ATAD2: variants seen among roughly 807,000 people sequenced by gnomAD.
The protein encoded by ATAD2 is ATPase family AAA domain-containing protein 2.
Under a neutral mutation model 168.9 loss-of-function variants are expected in ATAD2, and 62 were observed. The ratio of observed to expected loss-of-function variants is 0.37; its 90% confidence interval spans 0.30 to 0.45. The LOEUF is 0.45. Ranked by LOEUF, ATAD2 falls within the 20% of genes least tolerant of loss-of-function variation. The pLI is 1.00. For missense variants in ATAD2, 1,419 were observed against 1,667.8 expected, an observed-to-expected ratio of 0.85 and a Z score of 2.60; for synonymous variants, 613 against 571.6, an observed-to-expected ratio of 1.07 and a Z score of -1.03.
chr8:123,345,629 C>G (rs1244314842), intron 18 of ATAD2, among the ~76,000 whole-genome samples: 1 of 152,104 alleles, frequency 6.6e-6, no homozygotes, highest in Non-Finnish European at 1.5e-5. Flanking sequence ...TTGCAGGGAG[C>G]CAGGATCGTG....
chr8:123,410,760 G>A (rs1052816436), intron 1 of ATAD2, among the ~76,000 whole-genome samples: 2 of 151,950 alleles, frequency 1.3e-5, no homozygotes, highest in African/African-American at 2.4e-5. Flanking sequence ...GCTTTCGCTC[G>A]CCGTCCACCA....
chr8:123,407,498 T>C (rs1001229194), intron 1 of ATAD2, among the ~76,000 whole-genome samples: 6 of 150,042 alleles, frequency 4.0e-5, no homozygotes, highest in Admixed American at 2.7e-4. Context: ...CTGAGGCAGG[T>C]GGATCATCTG....
rs1828191135 is a variant in ATAD2, at chr8:123,344,980, T to A, written c.2622A>T (p.Lys874Asn). Residue 874 changes from lysine (K) to asparagine (N), a missense_variant, in exon 19 of 28, where the codon AAA becomes AAT. By Grantham distance (94) the Lys-to-Asn change is moderately conservative. This residue lies in a region of ATAD2 where 545 missense variants were observed against 724.9 expected (regional missense o/e 0.75). Transcript: ENST00000287394. Reference protein sequence around the residue: ...VWWEIVGPTLKATFTTLLQNI... With the variant: ...VWWEIVGPTLNATFTTLLQNI... ...TCTGTAATAATGTGGTAAATGTGGC[T>A]TTAAGTGTCGGTCCAACTATTTCCC... 6.2e-7 allele frequency: 1 copy of A among 1,614,060 alleles called. No individual in the cohort carries two copies. Among genetic ancestry groups the A allele is most frequent in the Non-Finnish European group, 8.5e-7 (1 of 1,179,900 alleles).
intron 27 of ATAD2, among the ~76,000 whole-genome samples, chr8:123,322,652 G>A (rs577156074): frequency 1.2e-4 from 18 of 152,124 alleles, no homozygotes; most frequent in East Asian, 9.7e-4. Flanking sequence ...CAGCCTGGGC[G>A]ACAGAGACCC....
intron 2 of ATAD2, among the ~76,000 whole-genome samples, chr8:123,377,323 T>C (rs896092697): frequency 6.6e-6 from 1 of 151,934 alleles, no homozygotes; most frequent in African/African-American, 2.4e-5. Context: ...ATTTTAGAAA[T>C]AATCTAATTA....
At chr8:123,375,912 C>T (rs1169411183) in intron 2 of ATAD2, among the ~76,000 whole-genome samples, 1 of 151,902 alleles carries the variant, frequency 6.6e-6, no homozygotes, top group African/African-American at 2.4e-5. Flanking sequence ...TCAAGACCAG[C>T]CTGGCCAAGA....
chr8:123,322,812 G>T, intron 27 of ATAD2, 126 bp downstream of exon 27: 5 of 958,906 alleles, frequency 5.2e-6, no homozygotes, highest in Non-Finnish European at 7.3e-6. Context: ...GAAATAGAAA[G>T]ATGGTCTTTA....
In ATAD2 at chr8:123,387,444, C is replaced by T. The variant is rs1008775303; in HGVS notation, c.172-6767G>A. 3.3e-5 allele frequency among the ~76,000 whole-genome samples: 5 copies of T among 152,196 alleles called. No homozygotes were observed. In the South Asian group the frequency reaches 1.0e-3, roughly 32 times the overall value. On this transcript the variant is annotated intron_variant, in intron 1 of 27. Transcript: ENST00000287394. The stretch of plus-strand genomic sequence containing the variant: ...CAAGAGGTAAGTTCAACACTGTTAA[C>T]AGTAATTAACATTGGATGACAGAGA...
chr8:123,323,187 G>T, intron 26 of ATAD2, 121 bp from the exon 27 acceptor site: 1 of 1,028,700 alleles, frequency 9.7e-7, no homozygotes, highest in Non-Finnish European at 1.4e-6. Context: ...GCCATCTGAT[G>T]ACACAGGGCA....
intron 13 of ATAD2, among the ~76,000 whole-genome samples, chr8:123,351,016 G>GT (rs1828438829): frequency 6.6e-6 from 1 of 151,960 alleles, no homozygotes; most frequent in Non-Finnish European, 1.5e-5. Flanking sequence ...GATTACAGAC[G>GT]TGAGCCACTG....
At chr8:123,391,374 T>A (rs1829820916) in intron 1 of ATAD2, among the ~76,000 whole-genome samples, 2 of 149,810 alleles carry the variant, frequency 1.3e-5, no homozygotes, top group South Asian at 4.2e-4. Flanking sequence ...CCCAGCTGAA[T>A]GAGAACATAT....
chr8:123,387,721 G>C (rs1261683509), intron 1 of ATAD2, among the ~76,000 whole-genome samples: 2 of 152,136 alleles, frequency 1.3e-5, no homozygotes, highest in South Asian at 4.1e-4. Context: ...TGCAGAATCA[G>C]TAAGTTAACA....
intron 1 of ATAD2, among the ~76,000 whole-genome samples, chr8:123,390,318 T>C (rs1371729002): frequency 1.3e-5 from 2 of 152,128 alleles, no homozygotes; most frequent in African/African-American, 4.8e-5. Context: ...TTCTTAGCTC[T>C]AGGTTTTTGT....
chr8:123,353,718 T>C (rs1366440861), intron 13 of ATAD2, among the ~76,000 whole-genome samples: 2 of 152,206 alleles, frequency 1.3e-5, no homozygotes, highest in African/African-American at 2.4e-5. Flanking sequence ...TGGATTGTGA[T>C]TGCTTCTAGG....
In ATAD2 at chr8:123,371,700, T is replaced by C; in HGVS notation, c.506A>G (p.Gln169Arg). Residue 169 changes from glutamine (Q) to arginine (R), a missense_variant, in exon 4 of 28, where the codon CAG becomes CGG. Transcript: ENST00000287394. The part of the protein sequence containing the change: ...RIRSRYSGVN[Q>R]SMLFDKLITN... ...TATAAGTTTGTCAAACAGCATGGAC[T>C]GGTTTACACCACTATAACGACTTCT... 1.2e-6 allele frequency: 2 copies of C among 1,608,438 alleles called. No homozygotes were observed. The highest frequency in any genetic ancestry group is 2.2e-5 in the South Asian group (2 of 89,574).
At chr8:123,326,074 A>G (rs1484648787) in intron 25 of ATAD2, 48 bp from the exon 26 acceptor site, 1 of 1,571,026 alleles carries the variant, frequency 6.4e-7, no homozygotes, top group Non-Finnish European at 8.7e-7. Context: ...AGATATTATG[A>G]TGTCTAAAAT....
intron 1 of ATAD2, among the ~76,000 whole-genome samples, chr8:123,384,099 G>C (rs938043471): frequency 1.3e-5 from 2 of 149,708 alleles, no homozygotes; most frequent in Non-Finnish European, 1.5e-5. Flanking sequence ...AAAAAAGAAA[G>C]AAAGAAAAAA....
chr8:123,341,807 T>C (rs1460925273), intron 19 of ATAD2, among the ~76,000 whole-genome samples: 1 of 152,208 alleles, frequency 6.6e-6, no homozygotes, highest in Non-Finnish European at 1.5e-5. Context: ...TTGACTGTAC[T>C]GAAAGCGACC....
chr8:123,338,628 C>T (rs1827984468), intron 20 of ATAD2, among the ~76,000 whole-genome samples: 1 of 152,014 alleles, frequency 6.6e-6, no homozygotes, highest in African/African-American at 2.4e-5. Flanking sequence ...ATTGTGATGC[C>T]ATATTAGTAG....
Sources: gnomAD v4.1 joint callset for allele counts (sites outside exome capture counted in the v4.1 genomes callset) on GRCh38, gnomAD v4.1.1 for gene constraint, gnomAD v4.1.1 regional missense constraint, MANE v1.5 for transcripts, NCBI Gene and HGNC (gene_info 2026-07-23, HGNC 2026-07-21) for gene names.